ADAM23: variants seen among roughly 807,000 people sequenced by gnomAD.
The protein encoded by ADAM23 is ADAM metallopeptidase domain 23, also known as disintegrin and metalloproteinase domain-containing protein 23.
A neutral mutation model predicts 120.1 loss-of-function variants in ADAM23; 33 were observed. The ratio of observed to expected loss-of-function variants is 0.27; its 90% CI spans 0.21 to 0.37. ADAM23 has a LOEUF of 0.37. Among genes scored for constraint, ADAM23 ranks in the 10% least tolerant of loss-of-function variants. The pLI is 1.00. For missense variants in ADAM23, 862 were observed against 1,058.2 expected (o/e 0.81, Z 2.57); for synonymous variants, 367 against 375.2 (o/e 0.98, Z 0.25).
At chr2:206,598,763 G>A (rs763358872) in intron 24 of ADAM23, among the ~76,000 whole-genome samples, 2 of 151,634 alleles carry the variant, frequency 1.3e-5, no homozygotes, top group Non-Finnish European at 2.9e-5. Flanking sequence ...AGCCAGACAC[G>A]ATGGCACATG....
At chr2:206,571,331 C>T (rs1306168985) in intron 16 of ADAM23, among the ~76,000 whole-genome samples, 3 of 151,972 alleles carry the variant, frequency 2.0e-5, no homozygotes, top group Non-Finnish European at 2.9e-5. Context: ...AAAAATTAGC[C>T]GGGCGCGGTG....
chr2:206,452,011 T>C (rs1184082301), intron 2 of ADAM23, among the ~76,000 whole-genome samples: 1 of 152,100 alleles, frequency 6.6e-6, no homozygotes, highest in Admixed American at 6.5e-5. Flanking sequence ...TAAAAAGGCA[T>C]AATATGGTAG....
rs141494786 is a variant in ADAM23 at position 206,454,844 on chromosome 2, C to T, written c.432+9320C>T. ...AGGGCACACTGATGCAGGGGATGGG[C>T]TGCCACAGCCTTGGGCATCTCTGCC... On this transcript the variant is annotated intron_variant, in intron 2 of 25. Transcript: ENST00000264377. Among the ~76,000 whole-genome samples the T allele has an allele frequency of 2.2e-3, 342 of 152,356 alleles. 2 individuals carry two copies. The highest frequency in any genetic ancestry group is 8.5e-3 in the East Asian group (44 of 5,190).
At chr2:206,444,330 G>T (rs1695030292) in intron 1 of ADAM23, among the ~76,000 whole-genome samples, 1 of 152,246 alleles carries the variant, frequency 6.6e-6, no homozygotes, top group African/African-American at 2.4e-5. Flanking sequence ...GTGTTTAGTG[G>T]ATCCTGGGTC....
At chr2:206,477,895 AAAATATATATATAT>A (rs1306125861) in intron 2 of ADAM23, among the ~76,000 whole-genome samples, 4 of 102,196 alleles carry the variant, frequency 3.9e-5, no homozygotes, top group African/African-American at 1.8e-4. Context: ...AAAAAAAAAA[AAAATATATATATAT>A]ATATATATAT....
intron 10 of ADAM23, 109 bp from the exon 11 acceptor site, chr2:206,559,846 C>A: frequency 1.1e-6 from 1 of 887,376 alleles, no homozygotes. Context: ...ATTATGACCC[C>A]GTGTTCTCTC....
In ADAM23 at chr2:206,610,012, C is replaced by G. The variant is rs375847899; in HGVS notation, c.2450+12C>G. The G allele has an allele frequency of 2.9e-5, 45 of 1,553,732 alleles. No homozygotes were observed. Among genetic ancestry groups the G allele is most frequent in the Non-Finnish European group, 3.4e-5 (39 of 1,159,094 alleles). On this transcript the variant is annotated intron_variant, in intron 25 of 25. Coordinates refer to ENST00000264377, the MANE Select transcript of ADAM23 (RefSeq NM_003812.4). ...GGCTGGGGATTTAAGTAAGCAACGC[C>G]GCATGTCTTCTTCTCAGTGGCTCTG...
chr2:206,449,883 C>G (rs1196748423), intron 2 of ADAM23, among the ~76,000 whole-genome samples: 1 of 152,166 alleles, frequency 6.6e-6, no homozygotes, highest in Non-Finnish European at 1.5e-5. Flanking sequence ...AGCACCGGAC[C>G]TTGGGGAAAG....
At chr2:206,454,195 C>G (rs1190255943) in intron 2 of ADAM23, among the ~76,000 whole-genome samples, 2 of 151,980 alleles carry the variant, frequency 1.3e-5, no homozygotes, top group African/African-American at 4.8e-5. Flanking sequence ...ACAGGTCGTA[C>G]TGGAAGCATG....
intron 2 of ADAM23, among the ~76,000 whole-genome samples, chr2:206,476,861 C>T (rs1353979794): frequency 1.3e-5 from 2 of 152,110 alleles, no homozygotes; most frequent in Admixed American, 6.6e-5. Context: ...TTCCCATTTT[C>T]AGTTCCAGTT....
chr2:206,507,595 T>C (rs1696521716), intron 3 of ADAM23, among the ~76,000 whole-genome samples: 1 of 152,210 alleles, frequency 6.6e-6, no homozygotes, highest in South Asian at 2.1e-4. Context: ...TTACTCAGGC[T>C]CAGGTATTTC....
chr2:206,488,143 A>G (rs1356338213), intron 3 of ADAM23, among the ~76,000 whole-genome samples: 1 of 152,242 alleles, frequency 6.6e-6, no homozygotes, highest in East Asian at 1.9e-4. Context: ...GCTTAAATAC[A>G]GAGCCCAACC....
At chr2:206,532,525 C>T (rs1333967388) in intron 4 of ADAM23, among the ~76,000 whole-genome samples, 2 of 152,120 alleles carry the variant, frequency 1.3e-5, no homozygotes, top group African/African-American at 4.8e-5. Context: ...TTCTCTCTTT[C>T]ATGACCCATT....
chr2:206,467,610 CT>C (rs1695566342), intron 2 of ADAM23, among the ~76,000 whole-genome samples: 1 of 152,198 alleles, frequency 6.6e-6, no homozygotes, highest in African/African-American at 2.4e-5. Context: ...GTGCCTGTGG[CT>C]TTTACAGGCA....
chr2:206,546,442 TAATA>T (rs1348682545), intron 6 of ADAM23, among the ~76,000 whole-genome samples: 14 of 152,316 alleles, frequency 9.2e-5, no homozygotes, highest in South Asian at 2.1e-4. Context: ...ATCTCTCAAG[TAATA>T]AATGAATAGC....
chr2:206,486,338 T>C (rs2105881986), intron 3 of ADAM23, among the ~76,000 whole-genome samples: 1 of 151,746 alleles, frequency 6.6e-6, no homozygotes, highest in Non-Finnish European at 1.5e-5. Flanking sequence ...TTCTTGTCTT[T>C]CCTTTTTTTT....
intron 22 of ADAM23, among the ~76,000 whole-genome samples, chr2:206,593,640 T>A (rs1326577020): frequency 6.6e-6 from 1 of 152,124 alleles, no homozygotes; most frequent in African/African-American, 2.4e-5. Context: ...AAATTTGTAG[T>A]CTCTAAAGCT....
intron 2 of ADAM23, among the ~76,000 whole-genome samples, chr2:206,466,321 C>T (rs1695541488): frequency 1.3e-5 from 2 of 152,160 alleles, no homozygotes; most frequent in African/African-American, 2.4e-5. Flanking sequence ...GAAAGTGATG[C>T]TCTTGGACTT....
At chr2:206,471,773 C>G (rs904985370) in intron 2 of ADAM23, among the ~76,000 whole-genome samples, 1 of 152,038 alleles carries the variant, frequency 6.6e-6, no homozygotes, top group Non-Finnish European at 1.5e-5. Flanking sequence ...TGAATCACAC[C>G]TCAGCTACTA....
Sources: allele counts gnomAD v4.1 joint callset (sites outside exome capture counted in the v4.1 genomes callset), GRCh38; gene constraint gnomAD v4.1.1; transcripts MANE v1.5; gene names NCBI Gene and HGNC (gene_info 2026-07-23, HGNC 2026-07-21).